CDC42SE2: variants seen among roughly 807,000 people sequenced by gnomAD.
The protein encoded by CDC42SE2 is CDC42 small effector 2.
Under a neutral mutation model 11.5 loss-of-function variants are expected in CDC42SE2, and 3 were observed. That is an observed-to-expected ratio of 0.26 (90% CI 0.12 to 0.67). CDC42SE2 has a LOEUF of 0.67. Among genes scored for constraint, CDC42SE2 ranks in the 30% least tolerant of loss-of-function variants. CDC42SE2 has a pLI of 0.80. For missense variants in CDC42SE2, 82 were observed against 106.8 expected, an observed-to-expected ratio of 0.77 and a Z score of 1.02; for synonymous variants, 33 against 34.8, an observed-to-expected ratio of 0.95 and a Z score of 0.18.
intron 1 of CDC42SE2, among the ~76,000 whole-genome samples, chr5:131,278,695 A>C (rs1172236354): frequency 3.6e-5 from 4 of 109,596 alleles, no homozygotes; most frequent in African/African-American, 1.4e-4. Context: ...GAATATTGGC[A>C]GTTCCTTTCC....
chr5:131,337,737 C>T (rs576418945), intron 2 of CDC42SE2, among the ~76,000 whole-genome samples: 289 of 152,308 alleles, frequency 1.9e-3, no homozygotes, highest in Middle Eastern at 3.4e-3. Flanking sequence ...TAGCAATGAG[C>T]GAGGCTCCGT....
At chr5:131,359,633 G>T in intron 3 of CDC42SE2, 86 bp downstream of exon 3, 1 of 945,994 alleles carries the variant, frequency 1.1e-6, no homozygotes, top group South Asian at 1.3e-5. Context: ...GATCCTAGCA[G>T]TAATTGCAAA....
intron 2 of CDC42SE2, among the ~76,000 whole-genome samples, chr5:131,335,062 G>T (rs1305097917): frequency 6.6e-6 from 1 of 151,976 alleles, no homozygotes; most frequent in Non-Finnish European, 1.5e-5. Context: ...TGATGTTAGG[G>T]TGTCAATTTT....
rs989359486 is a variant in CDC42SE2 at position 131,388,612 on chromosome 5, G to C, written c.157-2381G>C. Among the ~76,000 whole-genome samples, 7 of 151,900 alleles carry C rather than the reference G, an allele frequency of 4.6e-5. No individual in the cohort carries two copies. The East Asian group carries it at 1.3e-3, about 29-fold the overall frequency. On this transcript the variant is annotated intron_variant, in intron 4 of 4. Transcript: ENST00000505065. Reference sequence around the variant, plus strand: ...TACCCTCTTTCCAGAAAAGATTTCCGTTACCCGTTCAGTAATACAACCTTG... The same window carrying C: ...TACCCTCTTTCCAGAAAAGATTTCCCTTACCCGTTCAGTAATACAACCTTG...
the CDC42SE2 span, among the ~76,000 whole-genome samples, chr5:131,238,359 C>T: frequency 2.0e-5 from 3 of 151,990 alleles, no homozygotes; most frequent in East Asian, 1.9e-4. Context: ...AAAAATTAGC[C>T]GGGCGTGGTG....
At chr5:131,375,167 C>A (rs1044863236) in intron 3 of CDC42SE2, among the ~76,000 whole-genome samples, 1 of 151,598 alleles carries the variant, frequency 6.6e-6, no homozygotes, top group African/African-American at 2.4e-5. Context: ...GAGATGAGAA[C>A]AACTAGTTCC....
At chr5:131,363,759 G>A (rs1417287931) in intron 3 of CDC42SE2, among the ~76,000 whole-genome samples, 39 of 146,826 alleles carry the variant, frequency 2.7e-4, no homozygotes, top group African/African-American at 9.7e-4. Flanking sequence ...GCAGTGGTGC[G>A]ATCTTGGCTC....
intron 1 of CDC42SE2, among the ~76,000 whole-genome samples, chr5:131,293,087 C>T (rs1234872157): frequency 6.6e-6 from 1 of 152,094 alleles, no homozygotes; most frequent in African/African-American, 2.4e-5. Context: ...ATATTTGCGT[C>T]TCTCTTCCCC....
intron 3 of CDC42SE2, among the ~76,000 whole-genome samples, chr5:131,380,030 G>T (rs1750272427): frequency 6.6e-6 from 1 of 151,730 alleles, no homozygotes. Flanking sequence ...AGGTTCAAGT[G>T]ATTCTTCTGC....
chr5:131,295,805 C>T (rs972181297), intron 1 of CDC42SE2, among the ~76,000 whole-genome samples: 9 of 152,128 alleles, frequency 5.9e-5, no homozygotes, highest in Admixed American at 2.6e-4. Context: ...GCCTCAGCCT[C>T]CCAAGTAGCT....
rs913141859 is a variant in CDC42SE2, at chr5:131,393,563, T to C, written c.*2472T>C. 1.1e-4 allele frequency: 17 copies of C among 152,406 alleles called. No homozygotes were observed. Among genetic ancestry groups the C allele is most frequent in the African/African-American group, 4.1e-4 (17 of 41,478 alleles). The allele number at this position is 152,406 out of a possible 1,614,324, so 9.4% of individuals were successfully genotyped here. ...CATTGTGGAATTTGCCTGAGTACTG[T>C]TGTCATTCTGCTCAGCCAGGCACGG... On this transcript the variant is annotated 3_prime_UTR_variant, in exon 5 of 5. Transcript: ENST00000505065.
chr5:131,347,171 G>A (rs565323228), intron 2 of CDC42SE2, among the ~76,000 whole-genome samples: 261 of 152,198 alleles, frequency 1.7e-3, no homozygotes, highest in African/African-American at 5.7e-3. Flanking sequence ...AGGAGATAGA[G>A]ACACAAAAAA....
chr5:131,339,098 A>G lies in CDC42SE2; in HGVS notation c.-285-20111A>G, dbSNP rs151290940. On this transcript the variant is annotated intron_variant, in intron 2 of 4. Coordinates refer to ENST00000505065, the MANE Select transcript of CDC42SE2 (RefSeq NM_001375635.1). ...CCGTCTCTACTAAAAATAGAAATAAATTAGCTGGGCGTAGTGGTGCACGTC... is the reference window on the plus strand; with the variant it reads ...CCGTCTCTACTAAAAATAGAAATAAGTTAGCTGGGCGTAGTGGTGCACGTC... 4.6e-5 allele frequency among the ~76,000 whole-genome samples: 7 copies of G among 151,804 alleles called. No individual in the cohort carries two copies. The East Asian group carries it at 1.4e-3, about 29-fold the overall frequency.
At chr5:131,212,164 G>A in the CDC42SE2 span, among the ~76,000 whole-genome samples, 2 of 152,078 alleles carry the variant, frequency 1.3e-5, no homozygotes, top group East Asian at 3.9e-4. Context: ...CTGGAGTGCA[G>A]TGGCGCGATC....
At chr5:131,290,987 A>G (rs1757446920) in intron 1 of CDC42SE2, among the ~76,000 whole-genome samples, 1 of 152,204 alleles carries the variant, frequency 6.6e-6, no homozygotes, top group Non-Finnish European at 1.5e-5. Flanking sequence ...TAAAAATACT[A>G]GGAGAAAACA....
chr5:131,272,764 C>T (rs1045760047), intron 1 of CDC42SE2, among the ~76,000 whole-genome samples: 19 of 152,130 alleles, frequency 1.2e-4, no homozygotes, highest in African/African-American at 4.1e-4. Flanking sequence ...TGTTGTCATC[C>T]GCGCTCCCTG....
intron 1 of CDC42SE2, among the ~76,000 whole-genome samples, chr5:131,293,268 G>A (rs548356998): frequency 3.9e-5 from 6 of 152,234 alleles, no homozygotes; most frequent in African/African-American, 1.4e-4. Context: ...AGAAGGTACC[G>A]TCTAAGAGAA....
intron 2 of CDC42SE2, among the ~76,000 whole-genome samples, chr5:131,334,771 C>T (rs1302127278): frequency 6.6e-6 from 1 of 152,130 alleles, no homozygotes; most frequent in East Asian, 1.9e-4. Flanking sequence ...TTATAGTATT[C>T]TCTGATGGTA....
upstream of CDC42SE2, among the ~76,000 whole-genome samples, chr5:131,262,012 AT>A (rs1464181668): frequency 1.3e-5 from 2 of 152,000 alleles, no homozygotes; most frequent in Non-Finnish European, 2.9e-5. Flanking sequence ...GTTACAAAAT[AT>A]GAAAAATCTG....
Sources: gnomAD v4.1 joint callset for allele counts (sites outside exome capture counted in the v4.1 genomes callset) on GRCh38, gnomAD v4.1.1 for gene constraint, MANE v1.5 for transcripts, NCBI Gene and HGNC (gene_info 2026-07-23, HGNC 2026-07-21) for gene names.